Variants in DOCK3 observed in about 807,000 individuals in gnomAD.
The protein encoded by DOCK3 is dedicator of cytokinesis protein 3.
DOCK3 carries 60 observed loss-of-function variants against 265.6 expected under a neutral mutation model. That is an observed-to-expected ratio of 0.23 (90% CI 0.18 to 0.28). The LOEUF (loss-of-function observed/expected upper bound fraction) is 0.28. Among genes scored for constraint, DOCK3 ranks in the 10% least tolerant of loss-of-function variants. The pLI, the probability that DOCK3 is intolerant of heterozygous loss-of-function variation, is 1.00. For synonymous variants in DOCK3, 881 were observed against 938.0 expected (o/e 0.94, Z 1.11); for missense variants, 1,981 against 2,594.3 (o/e 0.76, Z 5.14).
intron 5 of DOCK3, among the ~76,000 whole-genome samples, chr3:51,019,484 T>C (rs987742962): frequency 1.3e-5 from 2 of 151,908 alleles, no homozygotes; most frequent in Non-Finnish European, 2.9e-5. Context: ...AATTTTATTG[T>C]AAGTTCTGGG....
In DOCK3 at chr3:50,852,907, TATATC is replaced by T. The variant is rs1445220565; in HGVS notation, c.162+11196_162+11200del. On this transcript the variant is annotated intron_variant, in intron 3 of 52. Transcript: ENST00000266037. ...CAGTATTTCTTTTTAAAAAAATTGA[TATATC>T]ATAGTTGTACATATTTATGGGATAC... Among the ~76,000 whole-genome samples the T allele has an allele frequency of 2.0e-5, 3 of 152,212 alleles. No individual in the cohort carries two copies. In the East Asian group the frequency reaches 5.8e-4, roughly 29 times the overall value.
chr3:51,143,102 G>A (rs1392074108), intron 9 of DOCK3, among the ~76,000 whole-genome samples: 1 of 152,042 alleles, frequency 6.6e-6, no homozygotes, highest in Non-Finnish European at 1.5e-5. Flanking sequence ...GGCCAGGCTG[G>A]TCTCGAACTC....
At chr3:50,798,519 G>A (rs1397019962) in intron 2 of DOCK3, among the ~76,000 whole-genome samples, 1 of 152,102 alleles carries the variant, frequency 6.6e-6, no homozygotes, top group African/African-American at 2.4e-5. Context: ...AAGCAGATCA[G>A]ATATTAGGTC....
intron 5 of DOCK3, among the ~76,000 whole-genome samples, chr3:51,037,952 A>C (rs1320839535): frequency 5.3e-5 from 8 of 152,318 alleles, no homozygotes; most frequent in Admixed American, 1.3e-4. Flanking sequence ...AACAATTGAA[A>C]CATAGAAAAA....
Position 51,015,956 on chromosome 3 carries a change from TATATA to T in DOCK3, c.316-48486_316-48482del, listed in dbSNP as rs1400620701. Among the ~76,000 whole-genome samples the T allele has an allele frequency of 1.4e-4, 5 of 35,510 alleles. 2 individuals are homozygous for T. The highest frequency in any genetic ancestry group is 1.3e-4 in the African/African-American group (1 of 7,614). The allele number at this position is 35,510 out of a possible 152,430, so 23.3% of individuals were successfully genotyped here. A position where few individuals can be genotyped will look rare whatever the true frequency, so the allele number is the denominator to read the frequency against. Reference sequence around the variant, plus strand: ...TATATGATATATATATCATATTTTCTATATAATATATGATATATATATCATATATT... The same window carrying T: ...TATATGATATATATATCATATTTTCTATATATGATATATATATCATATATT... On this transcript the variant is annotated intron_variant, in intron 5 of 52. Coordinates refer to ENST00000266037, the MANE Select transcript of DOCK3 (RefSeq NM_004947.5).
chr3:50,943,962 AAATCTTCAAGTGGTCAATGAATATGTGT>A (rs2076364691), intron 5 of DOCK3, among the ~76,000 whole-genome samples: 1 of 152,210 alleles, frequency 6.6e-6, no homozygotes, highest in African/African-American at 2.4e-5. Flanking sequence ...AAAAACATAT[AAATCTTCAAGTGGTCAATGAATATGTGT>A]TGCATTATTC....
chr3:50,792,167 G>A (rs1014645920), intron 2 of DOCK3, among the ~76,000 whole-genome samples: 12 of 148,188 alleles, frequency 8.1e-5, no homozygotes, highest in African/African-American at 2.2e-4. Context: ...TTTTGTAGAC[G>A]TCTTTCACTT....
intron 5 of DOCK3, among the ~76,000 whole-genome samples, chr3:50,968,752 G>A (rs1017337228): frequency 6.6e-6 from 1 of 152,128 alleles, no homozygotes; most frequent in African/African-American, 2.4e-5. Context: ...GTTTCACCAT[G>A]TTGGCCAGGA....
intron 40 of DOCK3, among the ~76,000 whole-genome samples, chr3:51,352,526 G>A (rs1350817241): frequency 1.3e-5 from 2 of 152,196 alleles, no homozygotes; most frequent in Non-Finnish European, 2.9e-5. Context: ...ATGTTCAAAT[G>A]TGGTTTCAAA....
chr3:51,037,469 C>G (rs1463638340), intron 5 of DOCK3, among the ~76,000 whole-genome samples: 2 of 152,038 alleles, frequency 1.3e-5, no homozygotes, highest in African/African-American at 2.4e-5. Context: ...TTTATTCATT[C>G]CTTTCCAGAA....
chr3:51,085,396 C>G (rs1331907244), intron 7 of DOCK3, among the ~76,000 whole-genome samples: 1 of 152,120 alleles, frequency 6.6e-6, no homozygotes, highest in Non-Finnish European at 1.5e-5. Flanking sequence ...ATGGAACATA[C>G]TCCAGGATAC....
chr3:51,271,139 T>A, intron 24 of DOCK3, 132 bp downstream of exon 24: 1 of 1,072,666 alleles, frequency 9.3e-7, no homozygotes, highest in Non-Finnish European at 1.3e-6. Flanking sequence ...ACCCTTAAGA[T>A]ACAGAATTTT....
At chr3:50,905,931 C>A (rs2107857087) in intron 4 of DOCK3, among the ~76,000 whole-genome samples, 1 of 152,038 alleles carries the variant, frequency 6.6e-6, no homozygotes, top group Non-Finnish European at 1.5e-5. Context: ...TTTTGAGATA[C>A]ATCCCATCAA....
At chr3:50,846,361 G>A (rs4688752) in intron 3 of DOCK3, among the ~76,000 whole-genome samples, 12,767 of 152,174 alleles carry the variant, frequency 0.084, 1,176 homozygotes, top group East Asian at 0.33. Context: ...AGGTGTTGGG[G>A]CAACAGTCTG....
At chr3:50,922,932 C>T (rs1416551630) in intron 4 of DOCK3, among the ~76,000 whole-genome samples, 1 of 152,014 alleles carries the variant, frequency 6.6e-6, no homozygotes, top group Non-Finnish European at 1.5e-5. Flanking sequence ...CCACCTTTTC[C>T]CCGAGTCCCC....
In DOCK3 at chr3:51,359,115, T is replaced by C. The variant is rs1024651880; in HGVS notation, c.4884+1038T>C. The stretch of plus-strand genomic sequence containing the variant: ...GCACGAGGTTGTCATGAGCAAAAAA[T>C]TCCCCCTCTAGGGATAACCATGGCC... On this transcript the variant is annotated intron_variant, in intron 46 of 52. Coordinates refer to ENST00000266037, the MANE Select transcript of DOCK3 (RefSeq NM_004947.5). This position sits in a 1 kb window ranked among gnomAD's most constrained non-coding sequence, Gnocchi z 4.8. 6.6e-6 allele frequency among the ~76,000 whole-genome samples: 1 copy of C among 152,114 alleles called. No individual in the cohort carries two copies. Among genetic ancestry groups the C allele is most frequent in the African/African-American group, 2.4e-5 (1 of 41,440 alleles).
chr3:51,319,897 A>G (rs1360725662), intron 32 of DOCK3, among the ~76,000 whole-genome samples: 1 of 152,030 alleles, frequency 6.6e-6, no homozygotes, highest in Admixed American at 6.6e-5. Context: ...AAAAAAACGC[A>G]ATAGCTATAA....
At chr3:51,160,859 A>G (rs777439318) in intron 12 of DOCK3, among the ~76,000 whole-genome samples, 157 bp downstream of exon 12, 12 of 151,358 alleles carry the variant, frequency 7.9e-5, no homozygotes, top group East Asian at 4.0e-4. Flanking sequence ...GGCAAATCAC[A>G]AGGTCAGGAA....
At chr3:50,888,865 A>G (rs898200644) in intron 3 of DOCK3, among the ~76,000 whole-genome samples, 11 of 152,108 alleles carry the variant, frequency 7.2e-5, no homozygotes, top group Non-Finnish European at 1.6e-4. Context: ...TTAATTCAAG[A>G]TGGATTAAAG....
Sources: allele counts gnomAD v4.1 joint callset (sites outside exome capture counted in the v4.1 genomes callset), GRCh38; gene constraint gnomAD v4.1.1; non-coding constraint Gnocchi (gnomAD v3.1); transcripts MANE v1.5; gene names NCBI Gene and HGNC (gene_info 2026-07-23, HGNC 2026-07-21).